The following ADA2 variants were observed in gnomAD, a reference collection of about 807,000 sequenced individuals.
ADA2 encodes the protein adenosine deaminase 2.
In ADA2, 29 loss-of-function variants were observed where a neutral mutation model predicts 44.2. The observed-to-expected ratio is 0.66, with a 90% confidence interval of 0.49 to 0.89. The LOEUF is 0.89. Among genes scored for constraint, ADA2 ranks in the 40% least tolerant of loss-of-function variants. The probability of loss-of-function intolerance (pLI) is 0.00; values close to 1 mark genes in which losing one functional copy is unlikely to be tolerated. For synonymous variants in ADA2, 215 were observed against 234.9 expected (o/e 0.92, Z 0.77); for missense variants, 637 against 644.8 (o/e 0.99, Z 0.13).
At chr22:17,208,045 C>T (rs565918387) in intron 2 of ADA2, among the ~76,000 whole-genome samples, 1 of 152,202 alleles carries the variant, frequency 6.6e-6, no homozygotes, top group South Asian at 2.1e-4. Context: ...CCCCAGACAC[C>T]CTCTTATGCC....
chr22:17,207,527 T>C (rs758159555), intron 2 of ADA2, among the ~76,000 whole-genome samples: 4 of 151,566 alleles, frequency 2.6e-5, no homozygotes, highest in Admixed American at 6.6e-5. Context: ...AGCAGAAGGA[T>C]TTCTGTCCAG....
intron 7 of ADA2, among the ~76,000 whole-genome samples, chr22:17,184,987 T>C (rs2062019337): frequency 8.0e-6 from 1 of 124,540 alleles, no homozygotes; most frequent in South Asian, 2.4e-4. Context: ...TGTCAAAATA[T>C]ATATATATAT....
intron 1 of ADA2, among the ~76,000 whole-genome samples, chr22:17,217,262 A>C (rs1164198478): frequency 6.6e-6 from 1 of 152,212 alleles, no homozygotes; most frequent in East Asian, 1.9e-4. Flanking sequence ...AGGTGAAGGA[A>C]ATAAGCCAAT....
rs1448120523 is a variant in ADA2 at position 17,182,706 on chromosome 22, A to T, written c.1137T>A (p.Thr379=). 6.2e-7 allele frequency: 1 copy of T among 1,614,006 alleles called. No individual in the cohort carries two copies. Reference sequence around the variant, plus strand: ...AAGCAAATCCATGGCCGATTCTGGTAGTGTTCAGCATCAGAGCATCCAGAA... The same window carrying T: ...AAGCAAATCCATGGCCGATTCTGGTTGTGTTCAGCATCAGAGCATCCAGAA... ...RNILDALMLN[T]TRIGHGFALS... The change falls in exon 8 of 10, where the codon ACT becomes ACA. Residue 379 remains threonine, a synonymous_variant. Coordinates refer to ENST00000399837, the MANE Select transcript of ADA2 (RefSeq NM_001282225.2).
At position 17,207,056 on chromosome 22, in the gene ADA2, TG is replaced by T; in HGVS notation, c.542+14del. On this transcript the variant is annotated intron_variant, in intron 3 of 9. Coordinates refer to ENST00000399837, the MANE Select transcript of ADA2 (RefSeq NM_001282225.2). ...TGACAGGCCTGGGACATGTGCTTTC[TG>T]AACTACTACTCACCTGTCATCAAAC... is the stretch of plus-strand genomic sequence containing the variant. 1 of 1,605,310 alleles carries T rather than the reference TG, an allele frequency of 6.2e-7. No homozygotes were observed. Among genetic ancestry groups the T allele is most frequent in the Non-Finnish European group, 8.5e-7 (1 of 1,172,262 alleles).
In ADA2 at chr22:17,182,666, C is replaced by G. The variant is rs746332176; in HGVS notation, c.1177G>C (p.Ala393Pro). The G allele has an allele frequency of 6.2e-7, 1 of 1,613,954 alleles. No individual in the cohort carries two copies. Among genetic ancestry groups the G allele is most frequent in the Non-Finnish European group, 8.5e-7 (1 of 1,180,012 alleles). The stretch of plus-strand genomic sequence containing the variant: ...TTTTTCCAGGAGTAAGTCCTGACTG[C>G]GGGGTGTTTGCTCAAAGCAAATCCA... ...GHGFALSKHP[A>P]VRTYSWKKDI... The change falls in exon 8 of 10, where the codon GCA becomes CCA. Residue 393 changes from alanine to proline, a missense_variant. Ala to Pro is a conservative substitution (Grantham distance 27). Transcript: ENST00000399837.
intron 4 of ADA2, chr22:17,199,423 T>TCCCCTCCCCTATCCTCTTCCCCTCCCC: frequency 1.1e-6 from 1 of 902,822 alleles, no homozygotes; most frequent in Non-Finnish European, 1.8e-6. Context: ...GTCTCCTCCC[T>TCCCCTCCCCTATCCTCTTCCCCTCCCC]CCCCTCCTCT....
chr22:17,203,838 T>G, intron 3 of ADA2, 65 bp from the exon 4 acceptor site: 3 of 1,060,898 alleles, frequency 2.8e-6, no homozygotes, highest in East Asian at 2.5e-5. Flanking sequence ...CGGGCGCCCA[T>G]AGGACTGCTA....
chr22:17,215,089 C>T (rs2062456487), intron 1 of ADA2, among the ~76,000 whole-genome samples: 1 of 152,200 alleles, frequency 6.6e-6, no homozygotes. Flanking sequence ...TTTGTAGGGC[C>T]TGTGTGTCCT....
rs76206943 is a variant in ADA2 at position 17,179,583 on chromosome 22, G to A, written c.*1900C>T. On this transcript the variant is annotated 3_prime_UTR_variant, in exon 10 of 10. Coordinates refer to ENST00000399837, the MANE Select transcript of ADA2 (RefSeq NM_001282225.2). Reference sequence around the variant, plus strand: ...TGAAACTTGAAGGGTAAACAGGAGTGGGCAAGACAAAAGGGGAAAGAAGGA... The same window carrying A: ...TGAAACTTGAAGGGTAAACAGGAGTAGGCAAGACAAAAGGGGAAAGAAGGA... 6,372 of 152,464 alleles carry A rather than the reference G, an allele frequency of 0.042. 193 individuals are homozygous for A. The highest frequency in any genetic ancestry group is 0.13 in the East Asian group (698 of 5,172). 9.4% of individuals were successfully genotyped at this position (152,464 alleles called of 1,614,324 possible).
At chr22:17,201,264 G>A (rs2062283310) in intron 4 of ADA2, among the ~76,000 whole-genome samples, 1 of 152,048 alleles carries the variant, frequency 6.6e-6, no homozygotes, top group East Asian at 1.9e-4. Context: ...TGAAGCATAA[G>A]TGTCTGGTCC....
rs1261948015 is a variant in ADA2 at position 17,207,301 on chromosome 22, A to G, written c.323-11T>C. 4 of 1,591,402 alleles carry G rather than the reference A, an allele frequency of 2.5e-6. No individual in the cohort carries two copies. The highest frequency in any genetic ancestry group is 1.3e-5 in the African/African-American group (1 of 74,468). On this transcript the variant is annotated splice_polypyrimidine_tract_variant and intron_variant, in intron 2 of 9. Coordinates refer to ENST00000399837, the MANE Select transcript of ADA2 (RefSeq NM_001282225.2). ...GGTGCAAGGCAGCCCCTGGAGAGGGAAGAAGAATGGTGAAGACAAAGGGGT... is the reference window on the plus strand; with the variant it reads ...GGTGCAAGGCAGCCCCTGGAGAGGGGAGAAGAATGGTGAAGACAAAGGGGT...
In ADA2 at chr22:17,206,961, A is replaced by T. The variant is rs1174894730; in HGVS notation, c.542+110T>A. ...GAACCACCGCACTCAGCCTTGCCTC[A>T]TGTTTTATTAAAGCCAGATTTTTAT... On this transcript the variant is annotated intron_variant, in intron 3 of 9. Coordinates refer to ENST00000399837, the MANE Select transcript of ADA2 (RefSeq NM_001282225.2). 3 of 799,200 alleles carry T rather than the reference A, an allele frequency of 3.8e-6. No individual in the cohort carries two copies. In the African/African-American group the frequency reaches 5.1e-5, roughly 14 times the overall value. The allele number at this position is 799,200 out of a possible 1,614,324, so 49.5% of individuals were successfully genotyped here.
intron 1 of ADA2, among the ~76,000 whole-genome samples, chr22:17,211,704 C>T (rs1051301930): frequency 1.3e-4 from 20 of 151,976 alleles, no homozygotes; most frequent in South Asian, 1.0e-3. Context: ...CTGAGGTGGA[C>T]GGATCACGAG....
chr22:17,188,863 C>CAGAAAAAAAAAAAAAAAAA (rs2062074512), intron 6 of ADA2: 1 of 26,742 alleles, frequency 3.7e-5, no homozygotes, highest in Non-Finnish European at 8.6e-5. Context: ...TGGCCAAGAG[C>CAGAAAAAAAAAAAAAAAAA]AAAAAATATA....
intron 4 of ADA2, chr22:17,199,423 T>TCCCCTCCTCAATCCTCTTCCCCTCCCA: frequency 1.1e-6 from 1 of 902,826 alleles, no homozygotes; most frequent in Non-Finnish European, 1.8e-6. Context: ...GTCTCCTCCC[T>TCCCCTCCTCAATCCTCTTCCCCTCCCA]CCCCTCCTCT....
chr22:17,200,458 T>C (rs1486148533), intron 4 of ADA2, among the ~76,000 whole-genome samples: 3 of 152,026 alleles, frequency 2.0e-5, no homozygotes, highest in African/African-American at 7.2e-5. Flanking sequence ...TCTCAAGAAC[T>C]CAGAAATGGA....
intron 4 of ADA2, among the ~76,000 whole-genome samples, chr22:17,194,864 A>C (rs1182847311): frequency 6.6e-6 from 1 of 151,974 alleles, no homozygotes; most frequent in Non-Finnish European, 1.5e-5. Flanking sequence ...GGCAATTAAG[A>C]AGCAGCAAAT....
chr22:17,211,949 A>G lies in ADA2; in HGVS notation c.-46-2226T>C, dbSNP rs536324243. On this transcript the variant is annotated intron_variant, in intron 1 of 9. Transcript: ENST00000399837. ...CTCAAAAAAAGAGGAAAAAAAAATT[A>G]ATTAATTAATTAATTAAATAGCAAA... Among the ~76,000 whole-genome samples the G allele has an allele frequency of 2.0e-5, 3 of 152,120 alleles. No individual in the cohort carries two copies. The South Asian group carries it at 6.2e-4, about 32-fold the overall frequency.
Sources: allele counts gnomAD v4.1 joint callset (sites outside exome capture counted in the v4.1 genomes callset), GRCh38; gene constraint gnomAD v4.1.1; transcripts MANE v1.5; gene names NCBI Gene and HGNC (gene_info 2026-07-23, HGNC 2026-07-21).